Variants in MCM10 observed in about 807,000 individuals in gnomAD.
The protein encoded by MCM10 is minichromosome maintenance 10 replication initiation factor.
Under a neutral mutation model 109.9 loss-of-function variants are expected in MCM10, and 91 were observed. That is an observed-to-expected ratio of 0.83 (90% confidence interval 0.70 to 0.99). The LOEUF (loss-of-function observed/expected upper bound fraction) is 0.99, where lower values mean the gene tolerates loss of function less well. Among genes scored for constraint, MCM10 ranks in the 50% least tolerant of loss-of-function variants. The pLI, the probability that MCM10 is intolerant of heterozygous loss-of-function variation, is 0.00. For synonymous variants in MCM10, 380 were observed against 387.2 expected, an observed-to-expected ratio of 0.98 and a Z score of 0.22; for missense variants, 1,077 against 1,061.2, an observed-to-expected ratio of 1.01 and a Z score of -0.21.
Position 13,172,087 on chromosome 10 carries a change from C to G in MCM10, c.350-289C>G, listed in dbSNP as rs1346983722. On this transcript the variant is annotated intron_variant, in intron 3 of 19. Transcript: ENST00000378714. The surrounding 1 kb of genome is among the most constrained non-coding windows in gnomAD (Gnocchi z 5.2). Reference sequence around the variant, plus strand: ...CCATGCCTGGCCTATAATTATTTCTCAACTCCTAAAAACTTGTTAACTGTG... The same window carrying G: ...CCATGCCTGGCCTATAATTATTTCTGAACTCCTAAAAACTTGTTAACTGTG... Among the ~76,000 whole-genome samples the G allele has an allele frequency of 6.6e-6, 1 of 152,014 alleles. No homozygotes were observed. Among genetic ancestry groups the G allele is most frequent in the African/African-American group, 2.4e-5 (1 of 41,390 alleles).
Position 13,209,278 on chromosome 10 carries a change from G to T in MCM10, c.2593G>T (p.Glu865Ter). ...AGAAACTCTGTTACCAAGAGGAGAA[G>T]AACATGCTAAATTTCTGAACAGCCT... Reference protein sequence around the residue: ...GGETLLPRGEEHAKFLNSLK With the variant: ...GGETLLPRGE The change falls in exon 20 of 20, where the codon GAA becomes TAA. Residue 865 changes from glutamate to a stop codon, truncating the protein, a stop_gained. Transcript: ENST00000378714. LOFTEE classifies it high-confidence loss of function. The T allele has an allele frequency of 6.2e-7, 1 of 1,613,996 alleles. No homozygotes were observed. The highest frequency in any genetic ancestry group is 8.5e-7 in the Non-Finnish European group (1 of 1,179,960).
intron 2 of MCM10, among the ~76,000 whole-genome samples, chr10:13,166,635 C>CA (rs1252182951): frequency 0.21 from 9,412 of 45,886 alleles, 569 homozygotes; most frequent in African/African-American, 0.23. Context: ...AACTCTGTCT[C>CA]AAAAAAAAAA....
intron 15 of MCM10, among the ~76,000 whole-genome samples, chr10:13,197,999 G>A (rs1834445718): frequency 6.6e-6 from 1 of 150,434 alleles, no homozygotes; most frequent in Non-Finnish European, 1.5e-5. Context: ...TACAGCCTCT[G>A]CCTCCTGGGT....
At chr10:13,175,715 C>A (rs768269580) in intron 6 of MCM10, 34 bp downstream of exon 6, 2 of 1,492,402 alleles carry the variant, frequency 1.3e-6, no homozygotes, top group African/African-American at 1.4e-5. Flanking sequence ...ATGTGCGCCA[C>A]GGCATAGCTT....
intron 8 of MCM10, among the ~76,000 whole-genome samples, chr10:13,183,717 C>A (rs1306097217): frequency 6.6e-6 from 1 of 151,510 alleles, no homozygotes; most frequent in Non-Finnish European, 1.5e-5. Flanking sequence ...GTGAGTCTTG[C>A]TCTGTTGCCC....
At chr10:13,165,940 G>A (rs1031438954) in intron 2 of MCM10, among the ~76,000 whole-genome samples, 6 of 151,338 alleles carry the variant, frequency 4.0e-5, no homozygotes, top group Non-Finnish European at 7.4e-5. Flanking sequence ...CATTTGATTG[G>A]CATGGGTTCA....
rs540302606 is a variant in MCM10, at chr10:13,190,110, G to A, written c.1415+1030G>A. On this transcript the variant is annotated intron_variant, in intron 10 of 19. Transcript: ENST00000378714. Reference sequence around the variant, plus strand: ...GGATAAGCTTGTAATCAGTGGCCTCGTCACTACATTATATAAAGCATATCT... The same window carrying A: ...GGATAAGCTTGTAATCAGTGGCCTCATCACTACATTATATAAAGCATATCT... Among the ~76,000 whole-genome samples, 27 of 150,396 alleles carry A rather than the reference G, an allele frequency of 1.8e-4. No homozygotes were observed. In the Admixed American group the frequency reaches 1.8e-3, roughly 10 times the overall value.
intron 6 of MCM10, among the ~76,000 whole-genome samples, chr10:13,179,427 A>G (rs1312736597): frequency 1.3e-5 from 2 of 151,996 alleles, no homozygotes; most frequent in Admixed American, 6.6e-5. Context: ...AGCCTATCAC[A>G]CTACAATCAC....
chr10:13,208,995 T>TG (rs1202283245), intron 18 of MCM10, 96 bp from the exon 19 acceptor site: 1 of 828,312 alleles, frequency 1.2e-6, no homozygotes, highest in Non-Finnish European at 2.1e-6. Flanking sequence ...TCTCCTTGAA[T>TG]GGGGGCCTAC....
At chr10:13,208,617 T>A (rs1430706726) in intron 18 of MCM10, among the ~76,000 whole-genome samples, 2 of 147,148 alleles carry the variant, frequency 1.4e-5, no homozygotes, top group African/African-American at 5.0e-5. Flanking sequence ...GGCTTTTGGG[T>A]TATAAAGAGA....
In MCM10 at chr10:13,170,973, C is replaced by T. The variant is rs1384377053; in HGVS notation, c.59C>T (p.Ser20Leu). ...ACCGCACTGCTGGAAGAAAATGAGT[C>T]AGCCTTGGATTGTAATTCAGAAGAA... ...LLTALLEENESALDCNSEENN... is the reference protein window; with the variant it reads ...LLTALLEENELALDCNSEENN... The change falls in exon 3 of 20, where the codon TCA (serine) becomes TTA (leucine). Residue 20 changes from serine to leucine, a missense_variant. Physicochemically the swap from Ser to Leu is moderately radical, Grantham distance 145 (BLOSUM62 -2). Transcript: ENST00000378714. The T allele has an allele frequency of 6.2e-7, 1 of 1,614,206 alleles. No homozygotes were observed. Among genetic ancestry groups the T allele is most frequent in the Non-Finnish European group, 8.5e-7 (1 of 1,180,030 alleles).
chr10:13,187,851 A>C (rs1834294671), intron 9 of MCM10, among the ~76,000 whole-genome samples: 3 of 152,138 alleles, frequency 2.0e-5, no homozygotes, highest in South Asian at 4.1e-4. Flanking sequence ...AGATTCTTAA[A>C]AATCCATTGT....
Position 13,204,356 on chromosome 10 carries a change from G to A in MCM10, c.2490G>A (p.Lys830=), listed in dbSNP as rs1564394674. 1 of 1,614,176 alleles carries A rather than the reference G, an allele frequency of 6.2e-7. No individual in the cohort carries two copies. Among genetic ancestry groups the A allele is most frequent in the Non-Finnish European group, 8.5e-7 (1 of 1,180,024 alleles). ...TCTCCTTGGACAGACTCCCGAACAA[G>A]CACTGCAGGTATGAGAATCACCTGG... The part of the protein sequence containing the change: ...RSISLDRLPN[K]HCSNCGLYKW... The change falls in exon 18 of 20, where the codon AAG becomes AAA. Residue 830 remains lysine (K), a synonymous_variant. Transcript: ENST00000378714.
In MCM10 at chr10:13,166,041, G is replaced by C. The variant is rs192711527; in HGVS notation, c.7+1832G>C. 7.6e-4 allele frequency among the ~76,000 whole-genome samples: 116 copies of C among 152,154 alleles called. 1 individual carries two copies. In the East Asian group the frequency reaches 0.021, roughly 27 times the overall value. On this transcript the variant is annotated intron_variant, in intron 2 of 19. Coordinates refer to ENST00000378714, the MANE Select transcript of MCM10 (RefSeq NM_018518.5). The stretch of plus-strand genomic sequence containing the variant: ...TCCTGCTTATATTTTAGTGGAGGGA[G>C]AAAGATAACAAAACAATAAACGGGT...
chr10:13,207,105 A>G (rs1834592214), intron 18 of MCM10, among the ~76,000 whole-genome samples: 1 of 152,132 alleles, frequency 6.6e-6, no homozygotes, highest in South Asian at 2.1e-4. Flanking sequence ...ATGCTTGGCT[A>G]GTTCTTGATC....
Position 13,209,600 on chromosome 10 carries a change from A to G in MCM10, c.*290A>G, listed in dbSNP as rs1454992763. ...TTTGCCCAAAAATTGGAAGGTAAAC[A>G]GAGAGCTATGTTTCTGTATCTTTTG... On this transcript the variant is annotated 3_prime_UTR_variant, in exon 20 of 20. Transcript: ENST00000378714. The G allele has an allele frequency of 8.8e-6, 4 of 455,828 alleles. No homozygotes were observed. The highest frequency in any genetic ancestry group is 2.0e-5 in the African/African-American group (1 of 50,838). The allele number at this position is 455,828 out of a possible 1,614,324, so 28.2% of individuals were successfully genotyped here. A position where few individuals can be genotyped will look rare whatever the true frequency, so the allele number is the denominator to read the frequency against.
chr10:13,163,200 G>T (rs957822922), intron 1 of MCM10, among the ~76,000 whole-genome samples: 4 of 152,124 alleles, frequency 2.6e-5, no homozygotes, highest in Admixed American at 6.6e-5. Context: ...TTAGCCGGGT[G>T]TGGTAGTGCA....
chr10:13,197,786 T>C lies in MCM10; in HGVS notation c.2119+19T>C. 3 of 1,598,332 alleles carry C rather than the reference T, an allele frequency of 1.9e-6. No homozygotes were observed. The highest frequency in any genetic ancestry group is 2.6e-6 in the Non-Finnish European group (3 of 1,176,036). On this transcript the variant is annotated intron_variant, in intron 15 of 19. Coordinates refer to ENST00000378714, the MANE Select transcript of MCM10 (RefSeq NM_018518.5). ...TCTCAAGGTACTGCAGTTTCACAGT[T>C]AACAGTGGGAAAGAGAAACTGTTTC...
chr10:13,204,484 G>C (rs1483462618), intron 18 of MCM10, 120 bp downstream of exon 18: 3 of 1,269,934 alleles, frequency 2.4e-6, no homozygotes, highest in Admixed American at 4.3e-5. Flanking sequence ...TATAGCTCCA[G>C]GCTACCCTTG....
Sources: gnomAD v4.1 joint callset for allele counts (sites outside exome capture counted in the v4.1 genomes callset) on GRCh38, gnomAD v4.1.1 for gene constraint, Gnocchi (gnomAD v3.1) non-coding constraint, MANE v1.5 for transcripts, NCBI Gene and HGNC (gene_info 2026-07-23, HGNC 2026-07-21) for gene names.